Variants in MAML2 observed in about 807,000 individuals in gnomAD.
MAML2 encodes mastermind-like protein 2.
A neutral mutation model predicts 96.1 loss-of-function variants in MAML2; 22 were observed. That is an observed-to-expected ratio of 0.23 (90% CI 0.16 to 0.33). The LOEUF (loss-of-function observed/expected upper bound fraction) is 0.33, where lower values mean the gene tolerates loss of function less well. Ranked by LOEUF, MAML2 falls within the 10% of genes least tolerant of loss-of-function variation. The pLI is 1.00. For missense variants in MAML2, 1,367 were observed against 1,392.4 expected (o/e 0.98, Z 0.29); for synonymous variants, 561 against 521.3 (o/e 1.08, Z -1.04).
chr11:96,177,851 G>A (rs1344388012), intron 1 of MAML2, among the ~76,000 whole-genome samples: 1 of 151,874 alleles, frequency 6.6e-6, no homozygotes, highest in African/African-American at 2.4e-5. Flanking sequence ...GGAATTCACA[G>A]ACAGTGGCGT....
At chr11:96,039,642 G>A (rs1391722400) in intron 2 of MAML2, among the ~76,000 whole-genome samples, 1 of 152,062 alleles carries the variant, frequency 6.6e-6, no homozygotes, top group African/African-American at 2.4e-5. Flanking sequence ...GTAACCTTTA[G>A]ACAGGCAGGA....
At chr11:96,003,417 A>G (rs1858128631) in intron 2 of MAML2, among the ~76,000 whole-genome samples, 1 of 144,582 alleles carries the variant, frequency 6.9e-6, no homozygotes, top group African/African-American at 2.6e-5. Flanking sequence ...GATTCAAGTT[A>G]CAGAACTTGT....
At chr11:96,127,135 A>G (rs892981985) in intron 1 of MAML2, among the ~76,000 whole-genome samples, 1 of 150,366 alleles carries the variant, frequency 6.7e-6, no homozygotes, top group Admixed American at 6.8e-5. Context: ...TTACCTAAGC[A>G]GTTACATGTG....
intron 2 of MAML2, among the ~76,000 whole-genome samples, chr11:96,069,615 G>A (rs1004815335): frequency 6.6e-5 from 10 of 152,096 alleles, no homozygotes; most frequent in African/African-American, 1.9e-4. Context: ...AGGTTGAGAC[G>A]GCAGTGAGTC....
chr11:96,276,557 G>A (rs912062955), intron 1 of MAML2, among the ~76,000 whole-genome samples: 3 of 152,200 alleles, frequency 2.0e-5, no homozygotes, highest in South Asian at 4.1e-4. Flanking sequence ...AGCCTGTACC[G>A]ACAACCATAG....
chr11:96,278,638 T>C (rs770940606), intron 1 of MAML2, among the ~76,000 whole-genome samples: 2 of 152,154 alleles, frequency 1.3e-5, no homozygotes, highest in East Asian at 1.9e-4. Context: ...TAGTGAAAGA[T>C]GAATAGGACT....
chr11:96,325,882 A>G (rs931982020), intron 1 of MAML2, among the ~76,000 whole-genome samples: 3 of 152,180 alleles, frequency 2.0e-5, no homozygotes, highest in Non-Finnish European at 4.4e-5. Flanking sequence ...CCAGGCTTGG[A>G]GCAGCCACGG....
chr11:96,035,322 A>G (rs1858693326), intron 2 of MAML2, among the ~76,000 whole-genome samples: 1 of 152,222 alleles, frequency 6.6e-6, no homozygotes, highest in African/African-American at 2.4e-5. Context: ...AATTTCAAAT[A>G]GAGTGTCTTT....
intron 1 of MAML2, among the ~76,000 whole-genome samples, chr11:96,128,347 T>A (rs1424527201): frequency 6.6e-6 from 1 of 151,926 alleles, no homozygotes; most frequent in African/African-American, 2.4e-5. Flanking sequence ...TGAGCCAAGA[T>A]CATGCCACTG....
intron 1 of MAML2, among the ~76,000 whole-genome samples, chr11:96,267,133 G>A (rs1011977063): frequency 6.6e-6 from 1 of 152,148 alleles, no homozygotes; most frequent in Non-Finnish European, 1.5e-5. Flanking sequence ...CAGCTACTTG[G>A]ACTTTCAGGG....
intron 1 of MAML2, among the ~76,000 whole-genome samples, chr11:96,320,214 A>G (rs956839106): frequency 6.6e-6 from 1 of 152,222 alleles, no homozygotes; most frequent in African/African-American, 2.4e-5. Flanking sequence ...TCCTTGTTAT[A>G]TTGATTGGAT....
intron 2 of MAML2, among the ~76,000 whole-genome samples, chr11:96,061,108 T>C (rs1380328158): frequency 6.6e-6 from 1 of 152,220 alleles, no homozygotes; most frequent in East Asian, 1.9e-4. Context: ...TATCTGATGA[T>C]CGGGAACAAT....
chr11:96,119,958 A>AT (rs55920936), intron 1 of MAML2, among the ~76,000 whole-genome samples: 7,710 of 135,648 alleles, frequency 0.057, 413 homozygotes, highest in Non-Finnish European at 0.073. Flanking sequence ...GAAGATTCAG[A>AT]TTTTTTTTTT....
chr11:96,048,359 A>G (rs1218866340), intron 2 of MAML2, among the ~76,000 whole-genome samples: 2 of 152,242 alleles, frequency 1.3e-5, no homozygotes, highest in East Asian at 3.8e-4. Flanking sequence ...GTAAATCCAT[A>G]AATGTTCATT....
rs1858685558 is a variant in MAML2 at position 96,034,752 on chromosome 11, G to A, written c.2140-43029C>T. On this transcript the variant is annotated intron_variant, in intron 2 of 4. Coordinates refer to ENST00000524717, the MANE Select transcript of MAML2 (RefSeq NM_032427.4). Reference sequence around the variant, plus strand: ...AGCATATTCTAAAGGGAAAATACATGGCATCTCTGAGCACTGGACTCAGAC... The same window carrying A: ...AGCATATTCTAAAGGGAAAATACATAGCATCTCTGAGCACTGGACTCAGAC... Among the ~76,000 whole-genome samples, 3 of 152,068 alleles carry A rather than the reference G, an allele frequency of 2.0e-5. No individual in the cohort carries two copies. In the South Asian group the frequency reaches 6.2e-4, roughly 32 times the overall value.
At chr11:96,229,709 C>T (rs1480503426) in intron 1 of MAML2, among the ~76,000 whole-genome samples, 2 of 151,672 alleles carry the variant, frequency 1.3e-5, no homozygotes, top group Non-Finnish European at 2.9e-5. Context: ...TTGCATTATA[C>T]CAGTATAAAA....
intron 1 of MAML2, among the ~76,000 whole-genome samples, chr11:96,280,142 G>A (rs1462481606): frequency 1.3e-5 from 2 of 152,168 alleles, no homozygotes; most frequent in African/African-American, 4.8e-5. Flanking sequence ...ATTTCACCCA[G>A]TTCAAACACA....
At chr11:96,055,532 A>C (rs1308554083) in intron 2 of MAML2, among the ~76,000 whole-genome samples, 1 of 152,218 alleles carries the variant, frequency 6.6e-6, no homozygotes, top group Admixed American at 6.5e-5. Context: ...ACTTTGTATG[A>C]AAAGATGGGT....
chr11:96,244,146 C>T (rs560445412), intron 1 of MAML2, among the ~76,000 whole-genome samples: 2 of 152,288 alleles, frequency 1.3e-5, no homozygotes, highest in East Asian at 3.9e-4. Flanking sequence ...TGGCTCAAAC[C>T]GTGTTCCAGA....
Sources: gnomAD v4.1 joint callset for allele counts (sites outside exome capture counted in the v4.1 genomes callset) on GRCh38, gnomAD v4.1.1 for gene constraint, MANE v1.5 for transcripts, NCBI Gene and HGNC (gene_info 2026-07-23, HGNC 2026-07-21) for gene names.